NEK6: variants seen among roughly 807,000 people sequenced by gnomAD.
NEK6 encodes NIMA related kinase 6.
Under a neutral mutation model 43.5 loss-of-function variants are expected in NEK6, and 27 were observed. That is an observed-to-expected ratio of 0.62 (90% CI 0.46 to 0.86). NEK6 has a LOEUF of 0.86. Ranked by LOEUF, NEK6 falls within the 40% of genes least tolerant of loss-of-function variation. The pLI is 0.00. For missense variants in NEK6, 318 were observed against 414.4 expected (o/e 0.77, Z 2.02); for synonymous variants, 167 against 164.1 (o/e 1.02, Z -0.14).
At chr9:124,266,496 C>A (rs1234811897) in intron 1 of NEK6, among the ~76,000 whole-genome samples, 1 of 152,182 alleles carries the variant, frequency 6.6e-6, no homozygotes, top group African/African-American at 2.4e-5. Context: ...ACCAGCTGCC[C>A]AGCTCAGGAC....
In NEK6 at chr9:124,307,536, C is replaced by T. The variant is rs572918386; in HGVS notation, c.91-4973C>T. Among the ~76,000 whole-genome samples the T allele has an allele frequency of 1.6e-3, 250 of 152,362 alleles. 2 individuals carry two copies. The highest frequency in any genetic ancestry group is 6.8e-3 in the Middle Eastern group (2 of 294). Reference sequence around the variant, plus strand: ...GCAGCCCAGGCCTTCTCCCTCGTGCCCACGGTGACAGGCAGCACAGCGAGT... The same window carrying T: ...GCAGCCCAGGCCTTCTCCCTCGTGCTCACGGTGACAGGCAGCACAGCGAGT... On this transcript the variant is annotated intron_variant, in intron 2 of 9. Transcript: ENST00000320246.
chr9:124,276,067 A>G (rs965695916), intron 1 of NEK6, among the ~76,000 whole-genome samples: 3 of 151,188 alleles, frequency 2.0e-5, no homozygotes, highest in African/African-American at 7.3e-5. Flanking sequence ...GGGGGCTGGG[A>G]GGCGGCTGTG....
chr9:124,289,795 A>G (rs1268800273), intron 1 of NEK6, among the ~76,000 whole-genome samples: 3 of 152,208 alleles, frequency 2.0e-5, no homozygotes, highest in Admixed American at 2.0e-4. Context: ...GGGCGCTTCT[A>G]GACTGTGGAG....
chr9:124,291,059 A>G (rs565173328), intron 1 of NEK6, among the ~76,000 whole-genome samples: 5 of 152,198 alleles, frequency 3.3e-5, no homozygotes, highest in Non-Finnish European at 7.4e-5. Context: ...ATAACAATCA[A>G]ATAACAACCC....
At chr9:124,290,095 A>G (rs1832345292) in intron 1 of NEK6, among the ~76,000 whole-genome samples, 1 of 152,230 alleles carries the variant, frequency 6.6e-6, no homozygotes, top group African/African-American at 2.4e-5. Flanking sequence ...CAGCCCCGTC[A>G]CACCGTACGG....
chr9:124,309,299 C>T (rs964132217), intron 2 of NEK6, among the ~76,000 whole-genome samples: 4 of 152,240 alleles, frequency 2.6e-5, no homozygotes, highest in African/African-American at 9.6e-5. Flanking sequence ...TGCGTGTGAG[C>T]AGCTGGAGCC....
intron 1 of NEK6, among the ~76,000 whole-genome samples, chr9:124,268,862 TATAGATC>T (rs1831320213): frequency 6.6e-6 from 1 of 152,216 alleles, no homozygotes. Context: ...ACATCAGTGC[TATAGATC>T]ATATGTTATA....
intron 1 of NEK6, chr9:124,292,840 A>G (rs768331064): frequency 1.8e-5 from 26 of 1,436,938 alleles, no homozygotes; most frequent in East Asian, 2.6e-5. Flanking sequence ...GGACATTTCC[A>G]TGTTCAAGGA....
rs1829779169 is a variant in NEK6, at chr9:124,343,825, C to G, written c.718-3884C>G. ...CAGCCGGAGAAAACCTGCCCTTCCC[C>G]AAGCCCCAGCACAGCCCGGAAGGCT... is the stretch of plus-strand genomic sequence containing the variant. On this transcript the variant is annotated intron_variant, in intron 8 of 9. Coordinates refer to ENST00000320246, the MANE Select transcript of NEK6 (RefSeq NM_014397.6). The surrounding 1 kb of genome is among the most constrained non-coding windows in gnomAD (Gnocchi z 5.1). 6.6e-6 allele frequency among the ~76,000 whole-genome samples: 1 copy of G among 152,184 alleles called. No individual in the cohort carries two copies. Among genetic ancestry groups the G allele is most frequent in the Non-Finnish European group, 1.5e-5 (1 of 68,020 alleles).
rs117671396 is a variant in NEK6 at position 124,293,073 on chromosome 9, G to A, written c.-29-8863G>A. On this transcript the variant is annotated intron_variant, in intron 1 of 9. Transcript: ENST00000320246. ...TCTCTGGGATGGTGGGCCTGCTAGC[G>A]GGCCTGGGACTCCTAGAGTGAGACC... 482 of 1,417,904 alleles carry A rather than the reference G, an allele frequency of 3.4e-4. 1 individual carries two copies. The East Asian group carries it at 9.0e-3, about 26-fold the overall frequency. The allele number at this position is 1,417,904 out of a possible 1,614,324, so 87.8% of individuals were successfully genotyped here.
intron 5 of NEK6, 129 bp downstream of exon 5, chr9:124,321,698 G>A (rs1447758018): frequency 9.4e-6 from 6 of 637,540 alleles, no homozygotes; most frequent in Non-Finnish European, 5.5e-6. Context: ...GACCCTGGGC[G>A]CCCCCCTGCA....
intron 1 of NEK6, among the ~76,000 whole-genome samples, chr9:124,263,408 C>T (rs1237673449): frequency 1.3e-5 from 2 of 152,224 alleles, no homozygotes; most frequent in Non-Finnish European, 2.9e-5. Flanking sequence ...AGTCCCAGAC[C>T]TGCCTCTCAT....
At chr9:124,266,067 G>A (rs1831215839) in intron 1 of NEK6, among the ~76,000 whole-genome samples, 1 of 152,200 alleles carries the variant, frequency 6.6e-6, no homozygotes. Context: ...CCCACCTGGA[G>A]GGAGACGTGG....
chr9:124,294,528 G>A (rs925581179), intron 1 of NEK6, among the ~76,000 whole-genome samples: 3 of 152,062 alleles, frequency 2.0e-5, no homozygotes, highest in Non-Finnish European at 2.9e-5. Context: ...AAGGAGGGTC[G>A]AGAGATCTGG....
At chr9:124,340,910 C>T (rs562341599) in intron 8 of NEK6, among the ~76,000 whole-genome samples, 2 of 152,344 alleles carry the variant, frequency 1.3e-5, no homozygotes, top group African/African-American at 2.4e-5. Flanking sequence ...ACGTGGGACC[C>T]GCGGCCGCTC....
Position 124,321,560 on chromosome 9 carries a change from G to A in NEK6, c.396G>A (p.Gln132=). The stretch of plus-strand genomic sequence containing the variant: ...TGGCTGACGCAGGGGACCTCTCGCA[G>A]ATGATCAAGGTGAGCGCCTGGCGGG... ...LELADAGDLS[Q]MIKYFKKQKR... Residue 132 remains glutamine, a synonymous_variant, in exon 5 of 10, where the codon CAG becomes CAA. Transcript: ENST00000320246. The A allele has an allele frequency of 6.2e-7, 1 of 1,610,026 alleles. No individual in the cohort carries two copies. Among genetic ancestry groups the A allele is most frequent in the African/African-American group, 1.3e-5 (1 of 74,978 alleles).
chr9:124,310,200 C>T (rs576697806), intron 2 of NEK6, among the ~76,000 whole-genome samples: 8 of 152,334 alleles, frequency 5.3e-5, no homozygotes, highest in Non-Finnish European at 1.0e-4. Flanking sequence ...TCACTGCTAC[C>T]CCTCCAAGCC....
chr9:124,280,961 G>A (rs961705202), intron 1 of NEK6, among the ~76,000 whole-genome samples: 5 of 151,916 alleles, frequency 3.3e-5, no homozygotes, highest in African/African-American at 1.2e-4. Flanking sequence ...GCTAATTTTT[G>A]TATTTTTTGT....
chr9:124,296,744 G>A (rs1052339784), intron 1 of NEK6, among the ~76,000 whole-genome samples: 2 of 152,178 alleles, frequency 1.3e-5, no homozygotes, highest in African/African-American at 4.8e-5. Context: ...GTCTGAGGTC[G>A]TGCTTCACTG....
Sources: allele counts gnomAD v4.1 joint callset (sites outside exome capture counted in the v4.1 genomes callset), GRCh38; gene constraint gnomAD v4.1.1; non-coding constraint Gnocchi (gnomAD v3.1); transcripts MANE v1.5; gene names NCBI Gene and HGNC (gene_info 2026-07-23, HGNC 2026-07-21).